CTNNA3: variants seen among roughly 807,000 people sequenced by gnomAD.
CTNNA3 encodes catenin alpha-3.
A neutral mutation model predicts 95.7 loss-of-function variants in CTNNA3; 76 were observed. The ratio of observed to expected loss-of-function variants is 0.79; its 90% CI spans 0.66 to 0.96. CTNNA3 has a LOEUF of 0.96. Ranked by LOEUF, CTNNA3 falls within the 40% of genes least tolerant of loss-of-function variation. CTNNA3 has a pLI of 0.00. For synonymous variants in CTNNA3, 431 were observed against 374.4 expected, an observed-to-expected ratio of 1.15 and a Z score of -1.74; for missense variants, 1,191 against 1,089.8, an observed-to-expected ratio of 1.09 and a Z score of -1.31.
chr10:67,585,166 G>C (rs1166017685), intron 3 of CTNNA3, among the ~76,000 whole-genome samples: 2 of 152,294 alleles, frequency 1.3e-5, no homozygotes, highest in South Asian at 2.1e-4. Flanking sequence ...CTGTAGACTG[G>C]AGCTGTTCCT....
At chr10:67,118,279 A>C (rs1417329657) in intron 7 of CTNNA3, among the ~76,000 whole-genome samples, 1 of 151,960 alleles carries the variant, frequency 6.6e-6, no homozygotes, top group Non-Finnish European at 1.5e-5. Flanking sequence ...CCCAAACCAC[A>C]TGCTAGGATT....
chr10:67,546,300 T>C (rs1452095487), intron 3 of CTNNA3, among the ~76,000 whole-genome samples: 1 of 151,928 alleles, frequency 6.6e-6, no homozygotes, highest in Non-Finnish European at 1.5e-5. Flanking sequence ...CCCAATTAAT[T>C]TTTTGTATCT....
At chr10:66,602,828 G>C (rs950000881) in intron 10 of CTNNA3, among the ~76,000 whole-genome samples, 1 of 151,994 alleles carries the variant, frequency 6.6e-6, no homozygotes, top group African/African-American at 2.4e-5. Flanking sequence ...CATATCAACA[G>C]AATCAAGGAC....
chr10:67,445,865 C>G (rs1041572463), intron 5 of CTNNA3, among the ~76,000 whole-genome samples: 1 of 152,146 alleles, frequency 6.6e-6, no homozygotes, highest in African/African-American at 2.4e-5. Context: ...TGCAATAACC[C>G]ATTTACTCAT....
intron 9 of CTNNA3, among the ~76,000 whole-genome samples, chr10:66,755,589 C>T (rs1486040045): frequency 6.6e-6 from 1 of 152,002 alleles, no homozygotes; most frequent in African/African-American, 2.4e-5. Context: ...GAAATATTGG[C>T]AAGGGTGTGG....
At chr10:66,721,275 C>T (rs558540985) in intron 9 of CTNNA3, among the ~76,000 whole-genome samples, 1 of 152,242 alleles carries the variant, frequency 6.6e-6, no homozygotes, top group Admixed American at 6.5e-5. Flanking sequence ...TGATAAACCT[C>T]TCGAGCAAAG....
chr10:67,302,048 AAAGAAAGAAAG>A, intron 5 of CTNNA3, among the ~76,000 whole-genome samples: 1 of 130,706 alleles, frequency 7.7e-6, no homozygotes, highest in Middle Eastern at 3.5e-3. Flanking sequence ...AGAAAGAAAG[AAAGAAAGAAAG>A]AAAGAAAGAA....
chr10:67,484,768 TGG>T (rs1848380985), intron 5 of CTNNA3, among the ~76,000 whole-genome samples: 1 of 151,794 alleles, frequency 6.6e-6, no homozygotes, highest in South Asian at 2.1e-4. Context: ...CCTCACAGAA[TGG>T]CTATTATGAA....
chr10:66,301,992 T>C (rs2091869480), intron 12 of CTNNA3, among the ~76,000 whole-genome samples: 1 of 152,076 alleles, frequency 6.6e-6, no homozygotes, highest in South Asian at 2.1e-4. Context: ...GCTTGTAGGA[T>C]ACAACTCAAG....
intron 7 of CTNNA3, among the ~76,000 whole-genome samples, chr10:67,036,179 G>T (rs1854041269): frequency 6.6e-6 from 1 of 151,766 alleles, no homozygotes; most frequent in Non-Finnish European, 1.5e-5. Context: ...TTGAGACAGA[G>T]TATCTCTCTA....
At chr10:66,247,200 T>C (rs2132057735) in intron 13 of CTNNA3, among the ~76,000 whole-genome samples, 1 of 152,252 alleles carries the variant, frequency 6.6e-6, no homozygotes, top group Non-Finnish European at 1.5e-5. Context: ...CTAAGAGTTA[T>C]CGAGCTAAAA....
rs751801209 is a variant in CTNNA3, at chr10:66,420,835, A to AAATAAATAAATTAATTAATT, written c.1532-41484_1532-41483insAATTAATTAATTTATTTATT. On this transcript the variant is annotated intron_variant, in intron 11 of 17. Coordinates refer to ENST00000433211, the MANE Select transcript of CTNNA3 (RefSeq NM_013266.4). Reference sequence around the variant, plus strand: ...TAAATAAATAAATAAATAAATAAATAAATAAAAAACAATATGGAGATTTCT... The same window carrying AAATAAATAAATTAATTAATT: ...TAAATAAATAAATAAATAAATAAATAAATAAATAAATTAATTAATTAATAAAAAACAATATGGAGATTTCT... Among the ~76,000 whole-genome samples, 377 of 93,002 alleles carry AAATAAATAAATTAATTAATT rather than the reference A, an allele frequency of 4.1e-3. 1 individual carries two copies. Among genetic ancestry groups the AAATAAATAAATTAATTAATT allele is most frequent in the South Asian group, 9.9e-3 (26 of 2,624 alleles). The allele number at this position is 93,002 out of a possible 152,430, so 61.0% of individuals were successfully genotyped here.
At chr10:66,328,794 C>T (rs1260027627) in intron 12 of CTNNA3, among the ~76,000 whole-genome samples, 2 of 150,208 alleles carry the variant, frequency 1.3e-5, no homozygotes, top group African/African-American at 4.9e-5. Context: ...CCCAGGAGAA[C>T]CAATAATGTA....
chr10:66,300,286 G>T (rs2091842231), intron 12 of CTNNA3, among the ~76,000 whole-genome samples: 1 of 152,116 alleles, frequency 6.6e-6, no homozygotes, highest in Non-Finnish European at 1.5e-5. Flanking sequence ...AGCATTAGGA[G>T]AAATAGTACA....
intron 13 of CTNNA3, among the ~76,000 whole-genome samples, chr10:66,153,780 C>T (rs889052290): frequency 1.3e-5 from 2 of 151,546 alleles, no homozygotes; most frequent in African/African-American, 2.4e-5. Context: ...AAAACGTATC[C>T]TATGCTGGTC....
chr10:66,181,721 C>T (rs2086047790), intron 13 of CTNNA3, among the ~76,000 whole-genome samples: 1 of 152,152 alleles, frequency 6.6e-6, no homozygotes, highest in African/African-American at 2.4e-5. Flanking sequence ...ACAATATTCA[C>T]ATTTCAGTGT....
intron 12 of CTNNA3, among the ~76,000 whole-genome samples, chr10:66,309,666 G>A (rs1240300360): frequency 1.5e-3 from 167 of 113,726 alleles, no homozygotes; most frequent in African/African-American, 4.5e-3. Flanking sequence ...AGCCTAGGCG[G>A]CAGAGCGAGA....
chr10:66,929,435 C>T (rs532473496), intron 7 of CTNNA3, among the ~76,000 whole-genome samples: 1 of 152,134 alleles, frequency 6.6e-6, no homozygotes, highest in South Asian at 2.1e-4. Context: ...CTGTTCTGTT[C>T]AGAATTTGTC....
intron 13 of CTNNA3, among the ~76,000 whole-genome samples, chr10:66,202,717 G>A (rs1046751035): frequency 3.3e-5 from 5 of 151,822 alleles, no homozygotes; most frequent in Non-Finnish European, 7.4e-5. Flanking sequence ...TGTTTGTCTG[G>A]CAATATTTTC....
Sources: gnomAD v4.1 joint callset for allele counts (sites outside exome capture counted in the v4.1 genomes callset) on GRCh38, gnomAD v4.1.1 for gene constraint, MANE v1.5 for transcripts, NCBI Gene and HGNC (gene_info 2026-07-23, HGNC 2026-07-21) for gene names.